XIAP: variants seen among roughly 807,000 people sequenced by gnomAD.
The protein encoded by XIAP is X-linked inhibitor of apoptosis.
XIAP carries 3 observed loss-of-function variants against 33.1 expected under a neutral mutation model. The ratio of observed to expected loss-of-function variants is 0.09; its 90% CI spans 0.04 to 0.23. The LOEUF (loss-of-function observed/expected upper bound fraction) is 0.23. XIAP is among the 10% of genes least tolerant of loss of function. The pLI is 1.00. For missense variants in XIAP, 264 were observed against 363.0 expected (o/e 0.73, Z 2.22); for synonymous variants, 98 against 121.3 (o/e 0.81, Z 1.26).
intron 1 of XIAP, among the ~76,000 whole-genome samples, chrX:123,881,724 T>G (rs1470628119): frequency 9.2e-6 from 1 of 109,197 alleles, no homozygotes; most frequent in Non-Finnish European, 1.9e-5. Context: ...CACAAAATTG[T>G]GAAATGAGAA....
At chrX:123,872,334 CT>C (rs1255333741) in intron 1 of XIAP, among the ~76,000 whole-genome samples, 84 of 99,406 alleles carry the variant, frequency 8.5e-4, no homozygotes, top group East Asian at 9.3e-4. Context: ...TTTTTTCGTC[CT>C]TTTTTTTTTT....
intron 1 of XIAP, among the ~76,000 whole-genome samples, chrX:123,862,547 CT>C (rs376358519): frequency 1.8e-5 from 2 of 108,972 alleles, no homozygotes; most frequent in South Asian, 8.0e-4. Flanking sequence ...AATTAGGTCC[CT>C]TTTTTTTAAT....
In XIAP at chrX:123,875,212, C is replaced by CGGG. The variant is rs767268454; in HGVS notation, c.-32-10417_-32-10415dup. ...TAATTTTTTGTATTTTTAGTAGAGACGGGGTTTCACCATGGCCAGGCTGGT... is the reference window on the plus strand; with the variant it reads ...TAATTTTTTGTATTTTTAGTAGAGACGGGGGGGTTTCACCATGGCCAGGCTGGT... On this transcript the variant is annotated intron_variant, in intron 1 of 6. Transcript: ENST00000371199. Among the ~76,000 whole-genome samples the CGGG allele has an allele frequency of 5.6e-5, 6 of 106,892 alleles. No homozygotes were observed. The East Asian group carries it at 1.2e-3, about 21-fold the overall frequency. The allele number at this position is 106,892 out of a possible 115,157, so 92.8% of individuals were successfully genotyped here.
chrX:123,899,886 A>T (rs1032896502), intron 5 of XIAP, among the ~76,000 whole-genome samples: 50 of 111,419 alleles, frequency 4.5e-4, no homozygotes, highest in African/African-American at 1.6e-3. Flanking sequence ...CATTTTTAAT[A>T]CCCAAGAGTG....
At chrX:123,877,621 A>T (rs73231142) in intron 1 of XIAP, among the ~76,000 whole-genome samples, 6,722 of 111,708 alleles carry the variant, frequency 0.06, 213 homozygotes, top group Non-Finnish European at 0.093. Flanking sequence ...AATACTGGGA[A>T]CATAAGAACT....
chrX:123,886,011 G>A lies in XIAP; in HGVS notation c.349G>A (p.Val117Ile). The A allele has an allele frequency of 8.3e-7, 1 of 1,211,948 alleles. No individual in the cohort carries two copies. The highest frequency in any genetic ancestry group is 1.1e-6 in the Non-Finnish European group (1 of 895,616). The change falls in exon 2 of 7, where the codon GTT becomes ATT. Residue 117 changes from valine (V) to isoleucine (I), a missense_variant. Physicochemically the swap from Val to Ile is conservative, Grantham distance 29. Coordinates refer to ENST00000371199, the MANE Select transcript of XIAP (RefSeq NM_001167.4). ...NSGIQNGQYK[V>I]ENYLGSRDHF... is the part of the protein sequence containing the mutation. ...TGGTATCCAGAATGGTCAGTACAAA[G>A]TTGAAAACTATCTGGGAAGCAGAGA...
intron 1 of XIAP, among the ~76,000 whole-genome samples, chrX:123,885,053 CAAA>C (rs3042397): frequency 4.5e-5 from 5 of 110,142 alleles, no homozygotes; most frequent in African/African-American, 1.7e-4. Context: ...CCAGTTACAA[CAAA>C]AAAAGGGCTC....
intron 5 of XIAP, among the ~76,000 whole-genome samples, chrX:123,895,847 C>T (rs1187495930): frequency 5.6e-5 from 6 of 107,356 alleles, no homozygotes; most frequent in East Asian, 2.9e-4. Context: ...TTGCAACCTC[C>T]GCCTCCTGGG....
chrX:123,880,628 T>TTGGGAGGCTGAGACAGGAGAATGGC, intron 1 of XIAP, among the ~76,000 whole-genome samples: 1 of 106,447 alleles, frequency 9.4e-6, no homozygotes, highest in Middle Eastern at 4.7e-3. Context: ...TCCCAGCTAC[T>TTGGGAGGCTGAGACAGGAGAATGGC]TGGGAGGCTG....
At chrX:123,868,144 A>T (rs1318250781) in intron 1 of XIAP, among the ~76,000 whole-genome samples, 2 of 109,663 alleles carry the variant, frequency 1.8e-5, no homozygotes, top group Admixed American at 2.0e-4. Context: ...CAACATCGTG[A>T]GACCCCGTCT....
intron 1 of XIAP, chrX:123,874,356 A>G (rs1009346350): frequency 8.9e-6 from 1 of 112,245 alleles, no homozygotes; most frequent in Admixed American, 9.6e-5. Flanking sequence ...GAATTTTGAT[A>G]TGTAATTTAG....
At chrX:123,881,779 A>G (rs989156586) in intron 1 of XIAP, among the ~76,000 whole-genome samples, 2 of 104,511 alleles carry the variant, frequency 1.9e-5, no homozygotes, top group Admixed American at 2.1e-4. Context: ...TTTTTGAGAC[A>G]GAGTCTCACT....
At position 123,909,984 on chromosome X, in the gene XIAP, G is replaced by A. The variant is rs1024730808; in HGVS notation, c.*2803G>A. 8 of 327,926 alleles carry A rather than the reference G, an allele frequency of 2.4e-5. No homozygotes were observed. The highest frequency in any genetic ancestry group is 1.6e-4 in the South Asian group (6 of 38,388). The allele number at this position is 327,926 out of a possible 1,213,427, so 27.0% of individuals were successfully genotyped here. A position where few individuals can be genotyped will look rare whatever the true frequency, so the allele number is the denominator to read the frequency against. On this transcript the variant is annotated 3_prime_UTR_variant, in exon 7 of 7. Coordinates refer to ENST00000371199, the MANE Select transcript of XIAP (RefSeq NM_001167.4). ...CTTTTCCCCCTCCCAAGAGTTCTCAGTGTCTACATGTAGACTATTCCTTTT... is the reference window on the plus strand; with the variant it reads ...CTTTTCCCCCTCCCAAGAGTTCTCAATGTCTACATGTAGACTATTCCTTTT...
intron 1 of XIAP, among the ~76,000 whole-genome samples, chrX:123,871,351 G>T (rs1230389344): frequency 8.9e-6 from 1 of 111,878 alleles, no homozygotes; most frequent in Non-Finnish European, 1.9e-5. Flanking sequence ...GTCATCCATG[G>T]CATTTCTGGA....
chrX:123,908,008 A>C lies in XIAP; in HGVS notation c.*827A>C, dbSNP rs1380882400. The C allele has an allele frequency of 2.4e-5, 9 of 369,848 alleles. No individual in the cohort carries two copies. Among genetic ancestry groups the C allele is most frequent in the Admixed American group, 6.2e-5 (2 of 32,490 alleles). The allele number at this position is 369,848 out of a possible 1,213,427, so 30.5% of individuals were successfully genotyped here. A position where few individuals can be genotyped will look rare whatever the true frequency, so the allele number is the denominator to read the frequency against. Reference sequence around the variant, plus strand: ...AGAGGGGTTTTATAGGGGCCTTTTCACTTTCTACTTTTTTCATTTTGTTCT... The same window carrying C: ...AGAGGGGTTTTATAGGGGCCTTTTCCCTTTCTACTTTTTTCATTTTGTTCT... On this transcript the variant is annotated 3_prime_UTR_variant, in exon 7 of 7. Transcript: ENST00000371199.
chrX:123,896,138 C>T (rs1326326464), intron 5 of XIAP, among the ~76,000 whole-genome samples: 1 of 110,476 alleles, frequency 9.1e-6, no homozygotes, highest in African/African-American at 3.3e-5. Context: ...TACAGTCATG[C>T]TCACTGTGGC....
chrX:123,895,855 G>A (rs2053455183), intron 5 of XIAP, among the ~76,000 whole-genome samples: 2 of 107,059 alleles, frequency 1.9e-5, no homozygotes, highest in Admixed American at 2.0e-4. Flanking sequence ...TCCGCCTCCT[G>A]GGTTCAAGCG....
At chrX:123,890,639 CAAA>C (rs35753586) in intron 3 of XIAP, among the ~76,000 whole-genome samples, 1 of 58,285 alleles carries the variant, frequency 1.7e-5, no homozygotes. Context: ...GACACTGTCT[CAAA>C]AAAAAAAAAA....
At chrX:123,872,627 G>T (rs968852762) in intron 1 of XIAP, 6 of 110,837 alleles carry the variant, frequency 5.4e-5, no homozygotes, top group East Asian at 2.9e-4. Flanking sequence ...GATGGAGGTT[G>T]CAGTGAGCCG....
Sources: gnomAD v4.1 joint callset for allele counts (sites outside exome capture counted in the v4.1 genomes callset) on GRCh38, gnomAD v4.1.1 for gene constraint, MANE v1.5 for transcripts, NCBI Gene and HGNC (gene_info 2026-07-23, HGNC 2026-07-21) for gene names.